ATG2A: variants seen among roughly 807,000 people sequenced by gnomAD.
ATG2A encodes autophagy-related protein 2 homolog A.
ATG2A carries 103 observed loss-of-function variants against 214.2 expected under a neutral mutation model. The observed-to-expected ratio is 0.48, with a 90% CI of 0.41 to 0.57. ATG2A has a LOEUF of 0.57. Among genes scored for constraint, ATG2A ranks in the 20% least tolerant of loss-of-function variants. The probability of loss-of-function intolerance (pLI) is 0.00; values close to 1 mark genes in which losing one functional copy is unlikely to be tolerated. For missense variants in ATG2A, 2,312 were observed against 2,613.2 expected (o/e 0.88, Z 2.51); for synonymous variants, 1,160 against 1,142.1 (o/e 1.02, Z -0.32).
At position 64,917,196 on chromosome 11, in the gene ATG2A, C is replaced by T; in HGVS notation, c.-61G>A. Reference sequence around the variant, plus strand: ...CCGCCCGCCGGCGATCCCCGTCCGGCTCCGCTGTTCACTAGAGCCCCCGGC... The same window carrying T: ...CCGCCCGCCGGCGATCCCCGTCCGGTTCCGCTGTTCACTAGAGCCCCCGGC... On this transcript the variant is annotated 5_prime_UTR_variant, in exon 1 of 41. Transcript: ENST00000377264. 1.3e-6 allele frequency: 2 copies of T among 1,517,874 alleles called. No individual in the cohort carries two copies. The highest frequency in any genetic ancestry group is 1.2e-5 in the South Asian group (1 of 80,860). 94.0% of individuals were successfully genotyped at this position (1,517,874 alleles called of 1,614,324 possible).
chr11:64,906,437 C>T lies in ATG2A; in HGVS notation c.3080G>A (p.Gly1027Glu). 2 of 1,613,246 alleles carry T rather than the reference C, an allele frequency of 1.2e-6. No homozygotes were observed. Among genetic ancestry groups the T allele is most frequent in the Non-Finnish European group, 1.7e-6 (2 of 1,179,994 alleles). The change falls in exon 21 of 41, where the codon GGG becomes GAG. Residue 1027 changes from glycine (G) to glutamate (E), a missense_variant. Gly to Glu is a moderately conservative substitution (Grantham distance 98). Coordinates refer to ENST00000377264, the MANE Select transcript of ATG2A (RefSeq NM_015104.3). ...GCCCGAGGCTCCCCGCTCGGTCACCCCTTCCTCCGATGGGTAGATGGTTGG... is the reference window on the plus strand; with the variant it reads ...GCCCGAGGCTCCCCGCTCGGTCACCTCTTCCTCCGATGGGTAGATGGTTGG... ...LAPTIYPSEE[G>E]VTERGASGRK...
Position 64,907,419 on chromosome 11 carries a change from G to C in ATG2A, c.2668C>G (p.Pro890Ala). ...FKLANCFDLTPDSDSDDEDAH... is the reference protein window; with the variant it reads ...FKLANCFDLTADSDSDDEDAH... ...TCCTCGTCATCCGAGTCCGAGTCTG[G>C]GGTGAGATCAAAGCAGTTGGCTGGG... The change falls in exon 19 of 41, where the codon CCA becomes GCA. Residue 890 changes from proline to alanine, a missense_variant. Physicochemically the swap from Pro to Ala is conservative, Grantham distance 27 (BLOSUM62 -1). Coordinates refer to ENST00000377264, the MANE Select transcript of ATG2A (RefSeq NM_015104.3). The C allele has an allele frequency of 7.5e-6, 12 of 1,593,162 alleles. No individual in the cohort carries two copies. The highest frequency in any genetic ancestry group is 1.0e-5 in the Non-Finnish European group (12 of 1,169,816).
At chr11:64,911,366 G>A (rs964984408) in intron 9 of ATG2A, 91 bp from the exon 10 acceptor site, 3 of 1,319,118 alleles carry the variant, frequency 2.3e-6, no homozygotes, top group Non-Finnish European at 3.2e-6. Context: ...GGGGTTGGGA[G>A]GCCAGGTCTG....
Position 64,902,035 on chromosome 11 carries a change from T to C in ATG2A, c.4046A>G (p.Glu1349Gly). 1 of 1,613,956 alleles carries C rather than the reference T, an allele frequency of 6.2e-7. No individual in the cohort carries two copies. The highest frequency in any genetic ancestry group is 8.5e-7 in the Non-Finnish European group (1 of 1,180,010). Residue 1349 changes from glutamate (E) to glycine (G), a missense_variant, in exon 29 of 41, where the codon GAA becomes GGA. By Grantham distance (98) the Glu-to-Gly change is moderately conservative. Transcript: ENST00000377264. ...CAGGGTGTCTCCATCGCCCTCCTCT[T>C]CCCTTTCATCTTCCTTCTCCTCTGA... ...SCSEEKEDER[E>G]EEGDGDTLDS...
In ATG2A at chr11:64,913,196, A is replaced by G. The variant is rs953482332; in HGVS notation, c.727-60T>C. The G allele has an allele frequency of 1.9e-5, 31 of 1,609,336 alleles. No homozygotes were observed. In the African/African-American group the frequency reaches 4.0e-4, roughly 21 times the overall value. The stretch of plus-strand genomic sequence containing the variant: ...AGAAAATGGAGTCAGAGATGGTCAG[A>G]AAGGATGGGAGGGGCTCAATGGGCT... On this transcript the variant is annotated intron_variant, in intron 5 of 40. Coordinates refer to ENST00000377264, the MANE Select transcript of ATG2A (RefSeq NM_015104.3). The surrounding 1 kb of genome is among the most constrained non-coding windows in gnomAD (Gnocchi z 4.3).
chr11:64,916,994 C>T lies in ATG2A; in HGVS notation c.142G>A (p.Ala48Thr). ...LSLDLYKGSV[A>T]LRDIHLEIWS... is the part of the protein sequence containing the mutation. Reference sequence around the variant, plus strand: ...ATTTCCAGGTGGATGTCTCGCAGGGCAACGCTGCCCTTGTACAGATCGAGG... The same window carrying T: ...ATTTCCAGGTGGATGTCTCGCAGGGTAACGCTGCCCTTGTACAGATCGAGG... Residue 48 changes from alanine to threonine, a missense_variant, in exon 1 of 41, where the codon GCC becomes ACC. Physicochemically the swap from Ala to Thr is moderately conservative, Grantham distance 58. Coordinates refer to ENST00000377264, the MANE Select transcript of ATG2A (RefSeq NM_015104.3). The T allele has an allele frequency of 6.2e-7, 1 of 1,613,712 alleles. No homozygotes were observed. Among genetic ancestry groups the T allele is most frequent in the Non-Finnish European group, 8.5e-7 (1 of 1,180,002 alleles).
chr11:64,900,352 T>C (rs1414558000), intron 31 of ATG2A, 142 bp downstream of exon 31: 1 of 1,290,040 alleles, frequency 7.8e-7, no homozygotes, highest in African/African-American at 1.4e-5. Context: ...ACACACTCGA[T>C]ACATCTTGGT....
intron 19 of ATG2A, 73 bp downstream of exon 19, chr11:64,907,182 C>T (rs893232192): frequency 1.0e-5 from 15 of 1,430,338 alleles, no homozygotes; most frequent in Non-Finnish European, 1.2e-5. Context: ...CCTGGAGCTG[C>T]TCGCGCTGGT....
rs1944133144 is a variant in ATG2A at position 64,895,896 on chromosome 11, G to A, written c.5428-454C>T. The stretch of plus-strand genomic sequence containing the variant: ...CTTTCCCACCTGACTGAACACTCCC[G>A]GGGGCTCCCTGGTGCCCATGCATCC... On this transcript the variant is annotated intron_variant, in intron 39 of 40. Coordinates refer to ENST00000377264, the MANE Select transcript of ATG2A (RefSeq NM_015104.3). This position sits in a 1 kb window ranked among gnomAD's most constrained non-coding sequence, Gnocchi z 5.0. Among the ~76,000 whole-genome samples the A allele has an allele frequency of 6.6e-6, 1 of 152,046 alleles. No homozygotes were observed. Among genetic ancestry groups the A allele is most frequent in the South Asian group, 2.1e-4 (1 of 4,820 alleles).
At chr11:64,914,054 CAG>C in intron 3 of ATG2A, 25 bp downstream of exon 3, 2 of 1,535,708 alleles carry the variant, frequency 1.3e-6, no homozygotes, top group Non-Finnish European at 1.8e-6. Flanking sequence ...GGGCAGGAGA[CAG>C]GGCGGCCAGG....
chr11:64,910,958 CG>C lies in ATG2A; in HGVS notation c.1467-5del. On this transcript the variant is annotated splice_polypyrimidine_tract_variant and splice_region_variant and intron_variant, in intron 10 of 40. Transcript: ENST00000377264. ...CTGCACGGCTGTGCCCGTTAGCCTG[CG>C]GGGAAGAGGACAGGCGTCAGAAGGT... 3 of 1,613,378 alleles carry C rather than the reference CG, an allele frequency of 1.9e-6. No homozygotes were observed. The highest frequency in any genetic ancestry group is 2.5e-6 in the Non-Finnish European group (3 of 1,180,004).
intron 31 of ATG2A, 117 bp downstream of exon 31, chr11:64,900,377 C>T: frequency 6.6e-7 from 1 of 1,512,234 alleles, no homozygotes; most frequent in Non-Finnish European, 9.0e-7. Flanking sequence ...GCCTGGCTTC[C>T]TCCACTACAA....
chr11:64,898,003 A>G lies in ATG2A; in HGVS notation c.4859-29T>C. Reference sequence around the variant, plus strand: ...GGGGAGGGGAGGTCACAGACTGGGGATGGGGCCAGGAATGACTGGGAACCT... The same window carrying G: ...GGGGAGGGGAGGTCACAGACTGGGGGTGGGGCCAGGAATGACTGGGAACCT... On this transcript the variant is annotated intron_variant, in intron 34 of 40. Transcript: ENST00000377264. The surrounding 1 kb of genome is among the most constrained non-coding windows in gnomAD (Gnocchi z 4.5). 4.4e-6 allele frequency: 7 copies of G among 1,577,768 alleles called. No individual in the cohort carries two copies. Among genetic ancestry groups the G allele is most frequent in the Non-Finnish European group, 5.2e-6 (6 of 1,163,910 alleles).
Position 64,903,191 on chromosome 11 carries a change from C to G in ATG2A, c.3612+97G>C. On this transcript the variant is annotated intron_variant, in intron 26 of 40. Coordinates refer to ENST00000377264, the MANE Select transcript of ATG2A (RefSeq NM_015104.3). This position sits in a 1 kb window ranked among gnomAD's most constrained non-coding sequence, Gnocchi z 4.2. ...AGGAAGGGCAGGCATGAACTGTGTCCGGAGCCCAGGCACGTGAGGGAGCAG... is the reference window on the plus strand; with the variant it reads ...AGGAAGGGCAGGCATGAACTGTGTCGGGAGCCCAGGCACGTGAGGGAGCAG... 8.5e-7 allele frequency: 1 copy of G among 1,180,270 alleles called. No homozygotes were observed. The highest frequency in any genetic ancestry group is 1.3e-5 in the South Asian group (1 of 78,320). 73.1% of individuals were successfully genotyped at this position (1,180,270 alleles called of 1,614,324 possible).
rs1590645971 is a variant in ATG2A at position 64,908,016 on chromosome 11, TG to T, written c.2365-127del. 3.2e-5 allele frequency: 36 copies of T among 1,125,134 alleles called. No individual in the cohort carries two copies. In the East Asian group the frequency reaches 9.2e-4, roughly 29 times the overall value. The allele number at this position is 1,125,134 out of a possible 1,614,324, so 69.7% of individuals were successfully genotyped here. A position where few individuals can be genotyped will look rare whatever the true frequency, so the allele number is the denominator to read the frequency against. On this transcript the variant is annotated intron_variant, in intron 16 of 40. Coordinates refer to ENST00000377264, the MANE Select transcript of ATG2A (RefSeq NM_015104.3). ...TTCATTCATAGGAGCCCTTCTCTAC[TG>T]GGGATGCATGATAGCCGTACAGATA... is the stretch of plus-strand genomic sequence containing the variant.
intron 1 of ATG2A, 97 bp downstream of exon 1, chr11:64,916,868 C>A: frequency 1.3e-6 from 2 of 1,522,028 alleles, no homozygotes; most frequent in East Asian, 2.4e-5. Flanking sequence ...TCTCTACGCC[C>A]GGTGCCTGAT....
chr11:64,902,560 G>T lies in ATG2A; in HGVS notation c.3733C>A (p.Pro1245Thr). 2 of 1,565,032 alleles carry T rather than the reference G, an allele frequency of 1.3e-6. No homozygotes were observed. Among genetic ancestry groups the T allele is most frequent in the East Asian group, 2.4e-5 (1 of 41,936 alleles). The change falls in exon 27 of 41, where the codon CCC becomes ACC. Residue 1245 changes from proline to threonine, a missense_variant. By Grantham distance (38) the Pro-to-Thr change is conservative. Coordinates refer to ENST00000377264, the MANE Select transcript of ATG2A (RefSeq NM_015104.3). ...QYVMSTGDLH[P>T]PPRPPSPTEI... ...GTGGGGCTGGGGGGCCGGGGTGGGG[G>T]GTGCAGATCGCCTGTGCTCATTACG...
At chr11:64,915,220 A>T (rs1944936352) in intron 1 of ATG2A, among the ~76,000 whole-genome samples, 1 of 142,960 alleles carries the variant, frequency 7.0e-6, no homozygotes. Flanking sequence ...TAAAATGTCC[A>T]TGCTGGAGTT....
At chr11:64,901,181 C>A in intron 29 of ATG2A, 89 bp from the exon 30 acceptor site, 3 of 1,318,778 alleles carry the variant, frequency 2.3e-6, no homozygotes, top group Non-Finnish European at 3.1e-6. Context: ...ACTTCTTTTT[C>A]ATTTTTTTTT....
Sources: gnomAD v4.1 joint callset for allele counts (sites outside exome capture counted in the v4.1 genomes callset) on GRCh38, gnomAD v4.1.1 for gene constraint, Gnocchi (gnomAD v3.1) non-coding constraint, MANE v1.5 for transcripts, NCBI Gene and HGNC (gene_info 2026-07-23, HGNC 2026-07-21) for gene names.